The following AUTS2 variants were observed in gnomAD, a reference collection of about 807,000 sequenced individuals.
AUTS2 encodes the protein autism susceptibility gene 2 protein.
A neutral mutation model predicts 112.4 loss-of-function variants in AUTS2; 17 were observed. The ratio of observed to expected loss-of-function variants is 0.15; its 90% CI spans 0.10 to 0.23. AUTS2 has a LOEUF of 0.23. AUTS2 is among the 10% of genes least tolerant of loss of function. The probability of loss-of-function intolerance (pLI) is 1.00; values close to 1 mark genes in which losing one functional copy is unlikely to be tolerated. For missense variants in AUTS2, 1,510 were observed against 1,701.6 expected (o/e 0.89, Z 1.98); for synonymous variants, 751 against 702.7 (o/e 1.07, Z -1.09).
chr7:70,107,527 A>C (rs1199697805), intron 2 of AUTS2, among the ~76,000 whole-genome samples: 1 of 149,228 alleles, frequency 6.7e-6, no homozygotes, highest in Admixed American at 6.7e-5. Flanking sequence ...TATTTTTAGT[A>C]GAGATGGGGT....
intron 2 of AUTS2, among the ~76,000 whole-genome samples, chr7:69,934,182 A>G (rs1457122173): frequency 6.6e-6 from 1 of 152,044 alleles, no homozygotes. Flanking sequence ...AATTGTTTCC[A>G]CTCTATGTTG....
At chr7:69,958,401 C>T (rs538065384) in intron 2 of AUTS2, among the ~76,000 whole-genome samples, 42 of 152,256 alleles carry the variant, frequency 2.8e-4, no homozygotes, top group Non-Finnish European at 5.4e-4. Context: ...GCTTCTGGTG[C>T]CACTGCATGA....
chr7:70,496,189 C>T (rs1798488464), intron 5 of AUTS2, among the ~76,000 whole-genome samples: 1 of 133,210 alleles, frequency 7.5e-6, no homozygotes, highest in African/African-American at 2.9e-5. Context: ...ACACACCCCA[C>T]ACATGCACAC....
chr7:70,754,050 A>C (rs1328114579), intron 6 of AUTS2, among the ~76,000 whole-genome samples: 1 of 151,932 alleles, frequency 6.6e-6, no homozygotes. Context: ...AGTCCCAGCT[A>C]CTGGGGAGGC....
At chr7:70,208,077 T>C (rs2129586924) in intron 4 of AUTS2, among the ~76,000 whole-genome samples, 1 of 151,362 alleles carries the variant, frequency 6.6e-6, no homozygotes, top group African/African-American at 2.4e-5. Context: ...GGAGTGTGTG[T>C]ATTTTCATAT....
chr7:69,969,589 A>C (rs978160239), intron 2 of AUTS2, among the ~76,000 whole-genome samples: 2 of 152,228 alleles, frequency 1.3e-5, no homozygotes, highest in Non-Finnish European at 2.9e-5. Context: ...AAACTCATCA[A>C]GATGGATTGA....
chr7:69,801,186 TAAAAC>T (rs1303023767), intron 1 of AUTS2, among the ~76,000 whole-genome samples: 1 of 150,486 alleles, frequency 6.6e-6, no homozygotes, highest in Non-Finnish European at 1.5e-5. Flanking sequence ...AAAAGCATAA[TAAAAC>T]AATATGTTAA....
At chr7:70,693,886 A>G (rs895067809) in intron 5 of AUTS2, among the ~76,000 whole-genome samples, 1 of 151,542 alleles carries the variant, frequency 6.6e-6, no homozygotes, top group Non-Finnish European at 1.5e-5. Flanking sequence ...CCGCGGGGGG[A>G]GCAACAGCTG....
chr7:70,188,926 G>C (rs547170563), intron 4 of AUTS2, among the ~76,000 whole-genome samples: 3 of 151,966 alleles, frequency 2.0e-5, no homozygotes, highest in African/African-American at 7.2e-5. Context: ...ATGTCTGGAA[G>C]TCTAGATATA....
At chr7:69,643,133 G>T (rs1794864480) in intron 1 of AUTS2, among the ~76,000 whole-genome samples, 1 of 152,190 alleles carries the variant, frequency 6.6e-6, no homozygotes, top group Non-Finnish European at 1.5e-5. Context: ...TTTGCTCCTT[G>T]AGGCCACCCA....
At chr7:70,265,778 G>A (rs1787392587) in intron 4 of AUTS2, among the ~76,000 whole-genome samples, 1 of 152,168 alleles carries the variant, frequency 6.6e-6, no homozygotes, top group African/African-American at 2.4e-5. Flanking sequence ...AACACTGACA[G>A]CCAGTTGACA....
intron 1 of AUTS2, among the ~76,000 whole-genome samples, chr7:69,804,085 T>C (rs920942522): frequency 2.0e-5 from 3 of 152,208 alleles, no homozygotes; most frequent in African/African-American, 7.2e-5. Flanking sequence ...AACGTGTATT[T>C]CCAGAATCAA....
intron 4 of AUTS2, among the ~76,000 whole-genome samples, chr7:70,312,322 A>G (rs936627550): frequency 2.6e-5 from 4 of 151,640 alleles, no homozygotes; most frequent in African/African-American, 4.8e-5. Flanking sequence ...TCTTCCTTCC[A>G]TTTGCACAGC....
At chr7:70,590,687 TC>T (rs1802902248) in intron 5 of AUTS2, among the ~76,000 whole-genome samples, 9 of 152,286 alleles carry the variant, frequency 5.9e-5, no homozygotes, top group Admixed American at 2.0e-4. Flanking sequence ...GAACGTATTA[TC>T]TCCTTGAGCC....
At chr7:70,738,802 A>G (rs1221217989) in intron 6 of AUTS2, among the ~76,000 whole-genome samples, 1 of 152,120 alleles carries the variant, frequency 6.6e-6, no homozygotes, top group Non-Finnish European at 1.5e-5. Context: ...CTAGTCACTT[A>G]AGTCCTTAAC....
chr7:70,540,145 A>C (rs1210841226), intron 5 of AUTS2, among the ~76,000 whole-genome samples: 1 of 152,148 alleles, frequency 6.6e-6, no homozygotes, highest in Non-Finnish European at 1.5e-5. Flanking sequence ...GCAGCCCAGC[A>C]AAATGGAAAA....
chr7:69,610,421 A>G (rs921978731), intron 1 of AUTS2, among the ~76,000 whole-genome samples: 2 of 152,356 alleles, frequency 1.3e-5, no homozygotes, highest in South Asian at 2.1e-4. Context: ...CAAATGCACT[A>G]GGGGAATCTT....
chr7:70,760,044 C>T (rs1413584182), intron 6 of AUTS2, among the ~76,000 whole-genome samples: 11 of 150,724 alleles, frequency 7.3e-5, no homozygotes, highest in African/African-American at 2.4e-4. Context: ...CTCACACTGT[C>T]GCCTAGGCTG....
At chr7:70,252,210 GT>G (rs1221920528) in intron 4 of AUTS2, among the ~76,000 whole-genome samples, 1 of 152,058 alleles carries the variant, frequency 6.6e-6, no homozygotes, top group Non-Finnish European at 1.5e-5. Flanking sequence ...CTTTCATACT[GT>G]TTTCCTTCAT....
Sources: allele counts gnomAD v4.1 joint callset (sites outside exome capture counted in the v4.1 genomes callset), GRCh38; gene constraint gnomAD v4.1.1; transcripts MANE v1.5; gene names NCBI Gene and HGNC (gene_info 2026-07-23, HGNC 2026-07-21).